CHSY3: variants seen among roughly 807,000 people sequenced by gnomAD.
CHSY3 encodes chondroitin sulfate synthase 3, also known as N-acetylgalactosaminyl-proteoglycan 3-beta-glucuronosyltransferase 3.
CHSY3 carries 35 observed loss-of-function variants against 67.2 expected under a neutral mutation model. The observed-to-expected ratio is 0.52, with a 90% CI of 0.40 to 0.69. The LOEUF is 0.69. CHSY3 is among the 30% of genes least tolerant of loss of function. The probability of loss-of-function intolerance (pLI) is 0.00; values close to 1 mark genes in which losing one functional copy is unlikely to be tolerated. For synonymous variants in CHSY3, 474 were observed against 434.7 expected (o/e 1.09, Z -1.12); for missense variants, 1,069 against 1,138.5 (o/e 0.94, Z 0.88).
chr5:130,178,325 A>T (rs1254495547), intron 2 of CHSY3, among the ~76,000 whole-genome samples: 1 of 138,436 alleles, frequency 7.2e-6, no homozygotes, highest in Non-Finnish European at 1.5e-5. Flanking sequence ...GCAGGATCTC[A>T]GCTCACTGCA....
intron 2 of CHSY3, among the ~76,000 whole-genome samples, chr5:130,060,941 C>T (rs1008041081): frequency 6.6e-6 from 1 of 152,072 alleles, no homozygotes; most frequent in African/African-American, 2.4e-5. Flanking sequence ...AAAGACATCC[C>T]ATGCTCAAGG....
Position 130,185,536 on chromosome 5 carries a change from C to A in CHSY3, c.2394C>A (p.Thr798=). Residue 798 remains threonine (T), a synonymous_variant, in exon 3 of 3, where the codon ACC becomes ACA. Coordinates refer to ENST00000305031, the MANE Select transcript of CHSY3 (RefSeq NM_175856.5). ...SDLLGAGGFD[T]SIQGWGLEDV... The stretch of plus-strand genomic sequence containing the variant: ...TTCTAGGTGCAGGTGGATTTGATAC[C>A]TCAATACAAGGCTGGGGACTAGAAG... 6.2e-7 allele frequency: 1 copy of A among 1,614,076 alleles called. No individual in the cohort carries two copies. Among genetic ancestry groups the A allele is most frequent in the South Asian group, 1.1e-5 (1 of 91,082 alleles).
At chr5:130,054,904 T>A (rs1765479953) in intron 2 of CHSY3, among the ~76,000 whole-genome samples, 1 of 152,142 alleles carries the variant, frequency 6.6e-6, no homozygotes, top group African/African-American at 2.4e-5. Context: ...TCCTACCTAA[T>A]GTAGTCAGCC....
intron 2 of CHSY3, among the ~76,000 whole-genome samples, chr5:130,034,275 C>A (rs577343545): frequency 2.5e-4 from 38 of 151,916 alleles, no homozygotes; most frequent in African/African-American, 8.4e-4. Flanking sequence ...TTCTAATAGG[C>A]TTTTAGCTAT....
At chr5:129,995,042 T>C (rs1163102057) in intron 2 of CHSY3, among the ~76,000 whole-genome samples, 1 of 152,068 alleles carries the variant, frequency 6.6e-6, no homozygotes, top group Non-Finnish European at 1.5e-5. Flanking sequence ...AAACTTAAAG[T>C]ATAAAAAAAA....
At chr5:129,994,264 G>T (rs1561488693) in intron 2 of CHSY3, among the ~76,000 whole-genome samples, 1 of 152,160 alleles carries the variant, frequency 6.6e-6, no homozygotes, top group Admixed American at 6.5e-5. Context: ...GACCTGCCTT[G>T]CTAGATTGGG....
chr5:130,160,721 C>A lies in CHSY3; in HGVS notation c.1087-23508C>A, dbSNP rs79926765. On this transcript the variant is annotated intron_variant, in intron 2 of 2. Transcript: ENST00000305031. ...TCTTTGCCTAACTCTAGGTTTAGGACAGTTCTAATTTAGATGGTGTTACCT... is the reference window on the plus strand; with the variant it reads ...TCTTTGCCTAACTCTAGGTTTAGGAAAGTTCTAATTTAGATGGTGTTACCT... Among the ~76,000 whole-genome samples the A allele has an allele frequency of 3.0e-3, 457 of 152,136 alleles. 2 individuals carry two copies. Among genetic ancestry groups the A allele is most frequent in the African/African-American group, 0.011 (439 of 41,508 alleles).
chr5:129,979,199 C>CAA lies in CHSY3; in HGVS notation c.1086+70864_1086+70865dup, dbSNP rs58584381. On this transcript the variant is annotated intron_variant, in intron 2 of 2. Coordinates refer to ENST00000305031, the MANE Select transcript of CHSY3 (RefSeq NM_175856.5). ...TGGGTGAGACAGCGAGACTCCGTCT[C>CAA]AAAAAAAAAAAAAAAAAAAAAAAAA... is the stretch of plus-strand genomic sequence containing the variant. Among the ~76,000 whole-genome samples the CAA allele has an allele frequency of 6.7e-4, 42 of 62,522 alleles. 1 individual carries two copies. The highest frequency in any genetic ancestry group is 5.1e-3 in the South Asian group (6 of 1,170). 41.0% of individuals were successfully genotyped at this position (62,522 alleles called of 152,430 possible). A position where few individuals can be genotyped will look rare whatever the true frequency, so the allele number is the denominator to read the frequency against.
At chr5:130,078,481 TG>T (rs1478205103) in intron 2 of CHSY3, among the ~76,000 whole-genome samples, 1 of 152,162 alleles carries the variant, frequency 6.6e-6, no homozygotes, top group Admixed American at 6.6e-5. Context: ...AATTCATTTT[TG>T]GAATCATTTT....
rs530776517 is a variant in CHSY3, at chr5:130,141,174, C to A, written c.1087-43055C>A. ...GCAGCCATCCTATCTGGAAGCAAAT[C>A]TGAAAATGTTCAAGATTTGCTGCTC... On this transcript the variant is annotated intron_variant, in intron 2 of 2. Coordinates refer to ENST00000305031, the MANE Select transcript of CHSY3 (RefSeq NM_175856.5). The A allele has an allele frequency of 6.5e-4, 281 of 434,778 alleles. 3 individuals are homozygous for A. The highest frequency in any genetic ancestry group is 5.3e-3 in the African/African-American group (254 of 47,698). 26.9% of individuals were successfully genotyped at this position (434,778 alleles called of 1,614,324 possible).
At chr5:130,179,601 A>G (rs991066356) in intron 2 of CHSY3, among the ~76,000 whole-genome samples, 9 of 152,002 alleles carry the variant, frequency 5.9e-5, no homozygotes, top group Non-Finnish European at 8.8e-5. Flanking sequence ...GAGCTCTTAC[A>G]TTTCCCTTTG....
intron 2 of CHSY3, among the ~76,000 whole-genome samples, chr5:130,036,745 A>C (rs987827299): frequency 6.6e-6 from 1 of 152,090 alleles, no homozygotes; most frequent in African/African-American, 2.4e-5. Flanking sequence ...AACTGAGTAA[A>C]TGTGGTTTTA....
At chr5:130,138,284 A>G (rs556276471) in intron 2 of CHSY3, among the ~76,000 whole-genome samples, 1 of 152,298 alleles carries the variant, frequency 6.6e-6, no homozygotes, top group East Asian at 1.9e-4. Flanking sequence ...CCAACCAAGG[A>G]CACATCTCCT....
intron 2 of CHSY3, among the ~76,000 whole-genome samples, chr5:130,147,646 G>C (rs1769110069): frequency 6.6e-6 from 1 of 152,112 alleles, no homozygotes; most frequent in African/African-American, 2.4e-5. Context: ...AGGGTATAGA[G>C]GAAGCATGGT....
At chr5:130,113,415 A>G (rs1169039135) in intron 2 of CHSY3, among the ~76,000 whole-genome samples, 1 of 152,202 alleles carries the variant, frequency 6.6e-6, no homozygotes, top group Admixed American at 6.5e-5. Flanking sequence ...TAATCTCTCC[A>G]TTTATAAATG....
At chr5:129,922,891 T>G (rs1760971809) in intron 2 of CHSY3, among the ~76,000 whole-genome samples, 2 of 152,222 alleles carry the variant, frequency 1.3e-5, no homozygotes, top group South Asian at 4.1e-4. Flanking sequence ...TGCATAGTAT[T>G]GTTGAAAATC....
At chr5:129,913,701 A>T (rs1333848921) in intron 2 of CHSY3, among the ~76,000 whole-genome samples, 1 of 152,150 alleles carries the variant, frequency 6.6e-6, no homozygotes, top group Admixed American at 6.5e-5. Flanking sequence ...TTATCATTTT[A>T]ATGTTTGCAG....
rs1561575061 is a variant in CHSY3 at position 130,184,641 on chromosome 5, T to G, written c.1499T>G (p.Leu500Arg). Residue 500 changes from leucine to arginine, a missense_variant, in exon 3 of 3, where the codon CTA (leucine) becomes CGA (arginine). Coordinates refer to ENST00000305031, the MANE Select transcript of CHSY3 (RefSeq NM_175856.5). ...ILRTALDDTV[L>R]QVMEMINENA... ...AGAACAGCACTGGATGATACCGTCCTACAGGTGATGGAGATGATCAATGAG... is the reference window on the plus strand; with the variant it reads ...AGAACAGCACTGGATGATACCGTCCGACAGGTGATGGAGATGATCAATGAG... 1 of 1,605,644 alleles carries G rather than the reference T, an allele frequency of 6.2e-7. No homozygotes were observed. The highest frequency in any genetic ancestry group is 1.1e-5 in the South Asian group (1 of 90,918).
In CHSY3 at chr5:129,988,570, A is replaced by G. The variant is rs557933186; in HGVS notation, c.1086+80210A>G. Among the ~76,000 whole-genome samples, 3 of 152,324 alleles carry G rather than the reference A, an allele frequency of 2.0e-5. No individual in the cohort carries two copies. In the South Asian group the frequency reaches 6.2e-4, roughly 32 times the overall value. On this transcript the variant is annotated intron_variant, in intron 2 of 2. Coordinates refer to ENST00000305031, the MANE Select transcript of CHSY3 (RefSeq NM_175856.5). The stretch of plus-strand genomic sequence containing the variant: ...TCTTATCAGTTGTGTTCACTGCTAT[A>G]TCCCCATCCCCTAAAACAGAGCCTA...
Sources: allele counts gnomAD v4.1 joint callset (sites outside exome capture counted in the v4.1 genomes callset), GRCh38; gene constraint gnomAD v4.1.1; transcripts MANE v1.5; gene names NCBI Gene and HGNC (gene_info 2026-07-23, HGNC 2026-07-21).